CTNND2: variants seen among roughly 807,000 people sequenced by gnomAD.
The protein encoded by CTNND2 is catenin delta-2.
CTNND2 carries 22 observed loss-of-function variants against 144.4 expected under a neutral mutation model. The observed-to-expected ratio is 0.15, with a 90% CI of 0.11 to 0.22. The LOEUF (loss-of-function observed/expected upper bound fraction) is 0.22, where lower values mean the gene tolerates loss of function less well. CTNND2 is among the 10% of genes least tolerant of loss of function. The pLI, the probability that CTNND2 is intolerant of heterozygous loss-of-function variation, is 1.00. For missense variants in CTNND2, 1,353 were observed against 1,618.8 expected (o/e 0.84, Z 2.82); for synonymous variants, 751 against 695.6 (o/e 1.08, Z -1.25).
rs575462799 is a variant in CTNND2 at position 11,350,021 on chromosome 5, C to A, written c.1373-3394G>T. ...GCGTGGTGGCACGTGCCTGTAATCC[C>A]AGCTACTAGTGAGGCTGAGACAGGA... On this transcript the variant is annotated intron_variant, in intron 8 of 21. Transcript: ENST00000304623. 1.6e-4 allele frequency among the ~76,000 whole-genome samples: 25 copies of A among 152,254 alleles called. No individual in the cohort carries two copies. The South Asian group carries it at 5.2e-3, about 32-fold the overall frequency.
chr5:11,509,094 A>G lies in CTNND2; in HGVS notation c.287+55850T>C, dbSNP rs1771376230. On this transcript the variant is annotated intron_variant, in intron 3 of 21. Transcript: ENST00000304623. ...ACTTTTTGATACTTTTGAATTTTGT[A>G]AGGACAAAACCCAATCAACTGCTTT... Among the ~76,000 whole-genome samples the G allele has an allele frequency of 1.3e-5, 2 of 152,206 alleles. 1 individual carries two copies. Among genetic ancestry groups the G allele is most frequent in the South Asian group, 4.1e-4 (2 of 4,838 alleles).
chr5:11,823,789 G>T (rs1283435634), intron 1 of CTNND2, among the ~76,000 whole-genome samples: 1 of 152,052 alleles, frequency 6.6e-6, no homozygotes, highest in Non-Finnish European at 1.5e-5. Context: ...CCAGGGAAAT[G>T]CTTATAATAA....
chr5:11,774,312 T>G (rs1405842326), intron 1 of CTNND2, among the ~76,000 whole-genome samples: 1 of 148,806 alleles, frequency 6.7e-6, no homozygotes, highest in Non-Finnish European at 1.5e-5. Flanking sequence ...GGCTGCATAG[T>G]ATTCCATGGT....
chr5:11,879,786 G>C (rs1735892672), intron 1 of CTNND2, among the ~76,000 whole-genome samples: 2 of 152,098 alleles, frequency 1.3e-5, no homozygotes, highest in Admixed American at 1.3e-4. Context: ...TACACAAAAT[G>C]CTTTTTCTAT....
chr5:11,220,056 T>C (rs975981561), intron 10 of CTNND2, among the ~76,000 whole-genome samples: 2 of 152,164 alleles, frequency 1.3e-5, no homozygotes, highest in Non-Finnish European at 2.9e-5. Context: ...ATGTCACTAT[T>C]TTATCATTTG....
At chr5:11,025,727 T>C (rs1280564212) in intron 16 of CTNND2, among the ~76,000 whole-genome samples, 1 of 152,220 alleles carries the variant, frequency 6.6e-6, no homozygotes, top group Non-Finnish European at 1.5e-5. Flanking sequence ...AGTGAAATTA[T>C]AAGCACTACA....
At chr5:11,433,867 T>C (rs752608985) in intron 3 of CTNND2, among the ~76,000 whole-genome samples, 8 of 152,172 alleles carry the variant, frequency 5.3e-5, no homozygotes, top group Non-Finnish European at 1.0e-4. Flanking sequence ...CAAATTCAAA[T>C]AGGTGGTTGT....
At chr5:11,822,351 T>C (rs905085086) in intron 1 of CTNND2, among the ~76,000 whole-genome samples, 3 of 152,172 alleles carry the variant, frequency 2.0e-5, no homozygotes, top group Non-Finnish European at 4.4e-5. Context: ...TTTAGTGACA[T>C]GGTAAAAACA....
chr5:11,662,263 G>GTATATATATACATATATATGTGTATATA (rs1380327036), intron 2 of CTNND2, among the ~76,000 whole-genome samples: 1 of 123,102 alleles, frequency 8.1e-6, no homozygotes, highest in African/African-American at 3.8e-5. Context: ...GTGTATATAT[G>GTATATATATACATATATATGTGTATATA]TGTGTGTGTG....
intron 11 of CTNND2, among the ~76,000 whole-genome samples, chr5:11,195,309 G>T (rs1401294052): frequency 6.6e-6 from 1 of 152,152 alleles, no homozygotes; most frequent in Non-Finnish European, 1.5e-5. Flanking sequence ...ATGTGTGAGG[G>T]TTAAAGACTT....
At chr5:11,690,500 G>A (rs972115080) in intron 2 of CTNND2, among the ~76,000 whole-genome samples, 9 of 151,964 alleles carry the variant, frequency 5.9e-5, no homozygotes, top group South Asian at 2.1e-4. Flanking sequence ...TTGGGAGGCC[G>A]AGGCGGGTGG....
chr5:11,153,177 G>C (rs140342080), intron 12 of CTNND2, among the ~76,000 whole-genome samples: 2 of 151,952 alleles, frequency 1.3e-5, no homozygotes, highest in Non-Finnish European at 2.9e-5. Context: ...CAGGAGAATC[G>C]CTTGAACCCA....
intron 3 of CTNND2, among the ~76,000 whole-genome samples, chr5:11,541,214 G>C (rs1267119699): frequency 6.6e-6 from 1 of 152,174 alleles, no homozygotes; most frequent in Non-Finnish European, 1.5e-5. Context: ...CAGGCTCCCT[G>C]AGGTTGGTCC....
At chr5:11,899,458 T>C (rs1424380317) in intron 1 of CTNND2, among the ~76,000 whole-genome samples, 1 of 152,196 alleles carries the variant, frequency 6.6e-6, no homozygotes, top group African/African-American at 2.4e-5. Flanking sequence ...CTATATACTT[T>C]AATATATAAA....
intron 2 of CTNND2, among the ~76,000 whole-genome samples, chr5:11,694,857 T>C (rs1031427007): frequency 2.0e-5 from 3 of 152,172 alleles, no homozygotes; most frequent in African/African-American, 4.8e-5. Context: ...AAAATGAACA[T>C]ATGCTTTGAG....
chr5:10,976,281 T>G (rs1055428979), intron 21 of CTNND2, among the ~76,000 whole-genome samples: 1 of 152,224 alleles, frequency 6.6e-6, no homozygotes, highest in Non-Finnish European at 1.5e-5. Context: ...GGCTGCATTT[T>G]AAACTTTAAG....
intron 1 of CTNND2, among the ~76,000 whole-genome samples, chr5:11,798,271 A>AG (rs1372935406): frequency 6.6e-6 from 1 of 152,024 alleles, no homozygotes; most frequent in African/African-American, 2.4e-5. Context: ...AAAAAAAAAA[A>AG]AAAAAAGGTT....
chr5:11,617,968 A>T (rs1780657262), intron 2 of CTNND2, among the ~76,000 whole-genome samples: 1 of 152,206 alleles, frequency 6.6e-6, no homozygotes, highest in African/African-American at 2.4e-5. Context: ...CTGATGGCTA[A>T]TATCTATCCT....
At chr5:11,664,970 T>C (rs191412768) in intron 2 of CTNND2, among the ~76,000 whole-genome samples, 1 of 152,152 alleles carries the variant, frequency 6.6e-6, no homozygotes, top group South Asian at 2.1e-4. Context: ...CTCCCCGGAA[T>C]GAAAATTCAT....
Sources: allele counts gnomAD v4.1 joint callset (sites outside exome capture counted in the v4.1 genomes callset), GRCh38; gene constraint gnomAD v4.1.1; transcripts MANE v1.5; gene names NCBI Gene and HGNC (gene_info 2026-07-23, HGNC 2026-07-21).